Variants in PNLIPRP1 observed in about 807,000 individuals in gnomAD.
The protein encoded by PNLIPRP1 is inactive pancreatic lipase-related protein 1.
PNLIPRP1 carries 57 observed loss-of-function variants against 54.6 expected under a neutral mutation model. That is an observed-to-expected ratio of 1.04 (90% CI 0.84 to 1.30). The LOEUF is 1.30. Among genes scored for constraint, PNLIPRP1 ranks in the 50% most tolerant of loss-of-function variants. The probability of loss-of-function intolerance (pLI) is 0.00; values close to 1 mark genes in which losing one functional copy is unlikely to be tolerated. For synonymous variants in PNLIPRP1, 232 were observed against 208.8 expected (o/e 1.11, Z -0.96); for missense variants, 567 against 568.5 (o/e 1.00, Z 0.03).
chr10:116,595,001 T>C, intron 5 of PNLIPRP1, 137 bp downstream of exon 5: 1 of 1,124,084 alleles, frequency 8.9e-7, no homozygotes. Flanking sequence ...AACTCTGAAA[T>C]TTGCCTTCAT....
chr10:116,594,178 G>A, intron 4 of PNLIPRP1: 1 of 373,014 alleles, frequency 2.7e-6, no homozygotes, highest in East Asian at 7.5e-5. Context: ...CATCCAGGAA[G>A]ACATTTTCCT....
rs782459045 is a variant in PNLIPRP1, at chr10:116,604,189, C to T, written c.1172+51C>T. 10 of 948,360 alleles carry T rather than the reference C, an allele frequency of 1.1e-5. No individual in the cohort carries two copies. In the South Asian group the frequency reaches 1.2e-4, roughly 12 times the overall value. The allele number at this position is 948,360 out of a possible 1,614,324, so 58.7% of individuals were successfully genotyped here. ...CTCATTTGATGATATACACAGCCTTCAAACCACACACTTAATTTGAACACT... is the reference window on the plus strand; with the variant it reads ...CTCATTTGATGATATACACAGCCTTTAAACCACACACTTAATTTGAACACT... On this transcript the variant is annotated intron_variant, in intron 11 of 12. Coordinates refer to ENST00000358834, the MANE Select transcript of PNLIPRP1 (RefSeq NM_006229.4).
At chr10:116,600,844 TG>T (rs1412921078) in intron 9 of PNLIPRP1, among the ~76,000 whole-genome samples, 1 of 152,230 alleles carries the variant, frequency 6.6e-6, no homozygotes, top group Non-Finnish European at 1.5e-5. Flanking sequence ...ACCTGGGTCC[TG>T]GGCATCAGTA....
chr10:116,595,416 T>G (rs782696588), intron 5 of PNLIPRP1: 3 of 154,194 alleles, frequency 1.9e-5, no homozygotes, highest in Non-Finnish European at 4.3e-5. Context: ...TCTTTAATTC[T>G]TTAAGTTGCT....
chr10:116,609,028 TTA>T, intron 12 of PNLIPRP1, 23 bp from the exon 13 acceptor site: 1 of 1,589,214 alleles, frequency 6.3e-7, no homozygotes, highest in Non-Finnish European at 8.6e-7. Context: ...ACCCAAACTC[TTA>T]CAAAGCTTCC....
At position 116,605,537 on chromosome 10, in the gene PNLIPRP1, GGAGAA is replaced by G. The variant is rs1349151183; in HGVS notation, c.1332_1336del (p.Glu444AspfsTer7). ...TGCCACCAAGATCACTGTGCAAAAG[GGAGAA>G]GAGAAGACAGTGTATGTATCTTTGC... On this transcript the variant is annotated frameshift_variant, in exon 12 of 13. Coordinates refer to ENST00000358834, the MANE Select transcript of PNLIPRP1 (RefSeq NM_006229.4). LOFTEE classifies it low-confidence loss of function (END_TRUNC). 3.1e-6 allele frequency: 5 copies of G among 1,599,954 alleles called. No individual in the cohort carries two copies. The highest frequency in any genetic ancestry group is 1.1e-5 in the South Asian group (1 of 88,730).
intron 6 of PNLIPRP1, among the ~76,000 whole-genome samples, chr10:116,596,845 T>C (rs904487278): frequency 1.2e-4 from 18 of 152,150 alleles, no homozygotes; most frequent in Admixed American, 9.8e-4. Flanking sequence ...AAGATATATC[T>C]ACATAATATG....
At chr10:116,600,474 G>C (rs1014674046) in intron 9 of PNLIPRP1, 1 of 259,948 alleles carries the variant, frequency 3.8e-6, no homozygotes, top group Non-Finnish European at 7.4e-6. Flanking sequence ...ATACAGTTTA[G>C]AAAACACAGG....
At chr10:116,604,589 C>G (rs567681195) in intron 11 of PNLIPRP1, among the ~76,000 whole-genome samples, 41 of 151,232 alleles carry the variant, frequency 2.7e-4, no homozygotes, top group South Asian at 6.3e-4. Context: ...CAACGCAGGA[C>G]TATATAACTT....
At position 116,591,191 on chromosome 10, in the gene PNLIPRP1, A is replaced by G. The variant is rs1554863087; in HGVS notation, c.49+13A>G. ...GGAGCAGCCAAAGGTAAGAAACACC[A>G]CTCCTGCCCCGTAGGAAGGGCTTAA... On this transcript the variant is annotated intron_variant, in intron 2 of 12. Transcript: ENST00000358834. The G allele has an allele frequency of 1.9e-6, 3 of 1,608,662 alleles. No individual in the cohort carries two copies. The Admixed American group carries it at 5.0e-5, about 27-fold the overall frequency.
In PNLIPRP1 at chr10:116,601,058, T is replaced by C. The variant is rs1217021400; in HGVS notation, c.934-14T>C. The C allele has an allele frequency of 1.2e-6, 2 of 1,603,222 alleles. No individual in the cohort carries two copies. Among genetic ancestry groups the C allele is most frequent in the African/African-American group, 1.3e-5 (1 of 74,560 alleles). On this transcript the variant is annotated splice_polypyrimidine_tract_variant and intron_variant, in intron 9 of 12. Transcript: ENST00000358834. ...CAAATTCTCCTTACAGTCCCATCTA[T>C]CTCTTCTCATTAGGACAAGTGCTTC...
At position 116,591,187 on chromosome 10, in the gene PNLIPRP1, C is replaced by T; in HGVS notation, c.49+9C>T. The T allele has an allele frequency of 1.9e-6, 3 of 1,610,028 alleles. No homozygotes were observed. The highest frequency in any genetic ancestry group is 2.2e-5 in the East Asian group (1 of 44,850). ...GCTGGGAGCAGCCAAAGGTAAGAAA[C>T]ACCACTCCTGCCCCGTAGGAAGGGC... On this transcript the variant is annotated intron_variant, in intron 2 of 12. Transcript: ENST00000358834.
chr10:116,597,218 A>G (rs1363769731), intron 6 of PNLIPRP1, among the ~76,000 whole-genome samples: 1 of 152,232 alleles, frequency 6.6e-6, no homozygotes, highest in Non-Finnish European at 1.5e-5. Flanking sequence ...GTCAAAAACA[A>G]TAATTATTAA....
At chr10:116,608,159 G>A (rs1397830747) in intron 12 of PNLIPRP1, among the ~76,000 whole-genome samples, 5 of 152,186 alleles carry the variant, frequency 3.3e-5, no homozygotes, top group African/African-American at 9.7e-5. Flanking sequence ...ACCAGGCCTT[G>A]CCTTGCTCTT....
At chr10:116,601,761 G>C (rs544898083) in intron 10 of PNLIPRP1, among the ~76,000 whole-genome samples, 3 of 152,246 alleles carry the variant, frequency 2.0e-5, no homozygotes, top group African/African-American at 7.2e-5. Flanking sequence ...GGCATGTTTG[G>C]GCCACTTTGT....
At chr10:116,592,354 G>A (rs1554863314) in intron 3 of PNLIPRP1, 62 bp from the exon 4 acceptor site, 2 of 1,524,894 alleles carry the variant, frequency 1.3e-6, no homozygotes, top group African/African-American at 1.4e-5. Context: ...CGGAGATGAG[G>A]AAGGAAAAAG....
intron 6 of PNLIPRP1, among the ~76,000 whole-genome samples, chr10:116,596,869 T>G (rs1370291431): frequency 1.3e-5 from 2 of 152,144 alleles, no homozygotes; most frequent in African/African-American, 4.8e-5. Flanking sequence ...GTGATAATAA[T>G]AATAATAATG....
At position 116,601,053 on chromosome 10, in the gene PNLIPRP1, A is replaced by G; in HGVS notation, c.934-19A>G. Reference sequence around the variant, plus strand: ...AAACACAAATTCTCCTTACAGTCCCATCTATCTCTTCTCATTAGGACAAGT... The same window carrying G: ...AAACACAAATTCTCCTTACAGTCCCGTCTATCTCTTCTCATTAGGACAAGT... On this transcript the variant is annotated intron_variant, in intron 9 of 12. Transcript: ENST00000358834. 1 of 1,600,984 alleles carries G rather than the reference A, an allele frequency of 6.2e-7. No individual in the cohort carries two copies.
intron 9 of PNLIPRP1, 64 bp downstream of exon 9, chr10:116,600,229 G>T: frequency 1.9e-6 from 2 of 1,067,016 alleles, no homozygotes; most frequent in Admixed American, 1.7e-5. Context: ...GTCCTGCTGC[G>T]TTTGGGATTT....
Sources: gnomAD v4.1 joint callset for allele counts (sites outside exome capture counted in the v4.1 genomes callset) on GRCh38, gnomAD v4.1.1 for gene constraint, MANE v1.5 for transcripts, NCBI Gene and HGNC (gene_info 2026-07-23, HGNC 2026-07-21) for gene names.